The following LAMA1 variants were observed in gnomAD, a reference collection of about 807,000 sequenced individuals.
The protein encoded by LAMA1 is laminin subunit alpha 1, also known as laminin subunit alpha-1.
A neutral mutation model predicts 348.7 loss-of-function variants in LAMA1; 219 were observed. That is an observed-to-expected ratio of 0.63 (90% CI 0.56 to 0.70). The LOEUF (loss-of-function observed/expected upper bound fraction) is 0.70, where lower values mean the gene tolerates loss of function less well. LAMA1 is among the 30% of genes least tolerant of loss of function. The probability of loss-of-function intolerance (pLI) is 0.00; values close to 1 mark genes in which losing one functional copy is unlikely to be tolerated. For synonymous variants in LAMA1, 1,487 were observed against 1,491.0 expected, an observed-to-expected ratio of 1.00 and a Z score of 0.06; for missense variants, 3,744 against 3,888.0, an observed-to-expected ratio of 0.96 and a Z score of 0.99.
At chr18:7,016,935 G>A (rs1049251883) in intron 20 of LAMA1, among the ~76,000 whole-genome samples, 2 of 152,120 alleles carry the variant, frequency 1.3e-5, no homozygotes, top group Non-Finnish European at 2.9e-5. Context: ...GGAGAGAGGT[G>A]ATTTGATCAT....
chr18:7,078,732 G>A (rs975735091), intron 3 of LAMA1, among the ~76,000 whole-genome samples: 1 of 151,784 alleles, frequency 6.6e-6, no homozygotes, highest in African/African-American at 2.4e-5. Flanking sequence ...GCTCACTCCT[G>A]TAATCCCAGC....
At chr18:7,066,377 T>C (rs12957085) in intron 3 of LAMA1, among the ~76,000 whole-genome samples, 48,380 of 152,106 alleles carry the variant, frequency 0.32, 8,859 homozygotes, top group South Asian at 0.48. Flanking sequence ...CAATGTTCCA[T>C]AGTTATTCTT....
At chr18:7,024,324 A>G in intron 18 of LAMA1, 56 bp downstream of exon 18, 1 of 1,347,838 alleles carries the variant, frequency 7.4e-7, no homozygotes, top group Admixed American at 1.8e-5. Context: ...AAAAATAAAC[A>G]CATAGAATTT....
intron 36 of LAMA1, among the ~76,000 whole-genome samples, chr18:6,992,135 T>C (rs186638338): frequency 6.6e-6 from 1 of 152,358 alleles, no homozygotes; most frequent in East Asian, 1.9e-4. Context: ...AATGTAACTA[T>C]ACTTTTTTAT....
rs745511094 is a variant in LAMA1, at chr18:6,961,630, C to G, written c.7582G>C (p.Gly2528Arg). 6.2e-7 allele frequency: 1 copy of G among 1,614,116 alleles called. No individual in the cohort carries two copies. The change falls in exon 53 of 63, where the codon GGC becomes CGC. Residue 2528 changes from glycine to arginine, a missense_variant. Around this residue, in one of 3 missense-constraint regions of LAMA1, gnomAD observed 1,983 missense variants for 1,934.3 expected, o/e 1.03. Coordinates refer to ENST00000389658, the MANE Select transcript of LAMA1 (RefSeq NM_005559.4). ...NSSGIILAAL[G>R]GDVEKRGDRE... ...TCACCCCGCTTCTCCACATCCCCGC[C>G]GAGGGCAGCCAGGATGATGCCACTG...
chr18:7,031,900 A>AAC (rs386386970), intron 16 of LAMA1, among the ~76,000 whole-genome samples, 166 bp downstream of exon 16: 15 of 151,784 alleles, frequency 9.9e-5, no homozygotes, highest in Non-Finnish European at 1.9e-4. Context: ...CAAAAAAAAA[A>AAC]ACGGGAAACA....
chr18:7,006,890 G>T (rs761903567), intron 29 of LAMA1, among the ~76,000 whole-genome samples: 1 of 152,162 alleles, frequency 6.6e-6, no homozygotes, highest in African/African-American at 2.4e-5. Context: ...TTTGGTGCAC[G>T]ACTATAATTC....
At chr18:6,993,556 A>C (rs544151125) in intron 35 of LAMA1, 85 bp downstream of exon 35, 91 of 994,080 alleles carry the variant, frequency 9.2e-5, no homozygotes, top group Non-Finnish European at 1.3e-4. Context: ...CAAGAGATAT[A>C]CATCTATTCA....
chr18:7,112,086 C>G (rs991829976), intron 1 of LAMA1, among the ~76,000 whole-genome samples: 2 of 152,096 alleles, frequency 1.3e-5, no homozygotes, highest in African/African-American at 4.8e-5. Context: ...TTAAAATTCT[C>G]TATGGCTTAA....
chr18:7,005,895 C>G (rs1245756727), intron 29 of LAMA1, among the ~76,000 whole-genome samples: 1 of 152,078 alleles, frequency 6.6e-6, no homozygotes, highest in Non-Finnish European at 1.5e-5. Flanking sequence ...AGAGGGAAAA[C>G]CAGAATCAAA....
chr18:6,987,460 T>C (rs951283164), intron 36 of LAMA1, among the ~76,000 whole-genome samples: 1 of 152,204 alleles, frequency 6.6e-6, no homozygotes, highest in East Asian at 1.9e-4. Context: ...GTACCATGGA[T>C]AAATGCAAGC....
At position 6,999,504 on chromosome 18, in the gene LAMA1, G is replaced by A. The variant is rs144979101; in HGVS notation, c.4604C>T (p.Ser1535Leu). 5.5e-5 allele frequency: 89 copies of A among 1,613,902 alleles called. No homozygotes were observed. The highest frequency in any genetic ancestry group is 3.6e-5 in the Non-Finnish European group (42 of 1,179,992). The change falls in exon 32 of 63, where the codon TCG becomes TTG. Residue 1535 changes from serine (S) to leucine (L), a missense_variant. By Grantham distance (145) the Ser-to-Leu change is moderately radical. Coordinates refer to ENST00000389658, the MANE Select transcript of LAMA1 (RefSeq NM_005559.4). ...SGQCVCRLGA[S>L]GLRCDECEPR... ...TTCACACTCATCGCACCGGAGCCCC[G>A]AGGCCCCCAGCCTGCAAACGCACTG...
intron 10 of LAMA1, among the ~76,000 whole-genome samples, 184 bp downstream of exon 10, chr18:7,039,891 GC>G (rs1460596836): frequency 6.6e-6 from 1 of 152,186 alleles, no homozygotes; most frequent in Non-Finnish European, 1.5e-5. Flanking sequence ...GAAGCCAGAT[GC>G]CCATGTGAGT....
rs1464696859 is a variant in LAMA1, at chr18:7,117,715, G to A, written c.6C>T (p.Arg2=). The change falls in exon 1 of 63, where the codon CGC becomes CGT. Residue 2 remains arginine (R), a synonymous_variant. Transcript: ENST00000389658. ...GCAGCAAGACCAGGAGCACGCCCCC[G>A]CGCATCTCGCCTCCGCCGCCACTCG... M[R]GGVLLVLLLC... 7.5e-6 allele frequency: 12 copies of A among 1,597,632 alleles called. No homozygotes were observed. Among genetic ancestry groups the A allele is most frequent in the Non-Finnish European group, 1.0e-5 (12 of 1,178,232 alleles).
intron 3 of LAMA1, among the ~76,000 whole-genome samples, chr18:7,057,471 CTT>C (rs552843703): frequency 3.2e-4 from 29 of 90,810 alleles, no homozygotes; most frequent in African/African-American, 8.9e-4. Context: ...CTTTTCTTTT[CTT>C]TTTTTTTTTT....
chr18:6,962,935 A>G (rs921967690), intron 51 of LAMA1, among the ~76,000 whole-genome samples: 6 of 152,182 alleles, frequency 3.9e-5, no homozygotes, highest in Non-Finnish European at 8.8e-5. Context: ...AGGTCAGGCT[A>G]TAATGTAGTC....
At chr18:7,109,642 G>T (rs931557188) in intron 1 of LAMA1, among the ~76,000 whole-genome samples, 2 of 152,144 alleles carry the variant, frequency 1.3e-5, no homozygotes, top group Non-Finnish European at 1.5e-5. Context: ...TCACACAGCT[G>T]CAAGTCAATA....
chr18:7,078,425 CA>C (rs1228552347), intron 3 of LAMA1, among the ~76,000 whole-genome samples: 1 of 151,854 alleles, frequency 6.6e-6, no homozygotes, highest in Non-Finnish European at 1.5e-5. Flanking sequence ...CTTGGCCTCC[CA>C]AAGTGCCGGG....
intron 12 of LAMA1, 74 bp downstream of exon 12, chr18:7,037,504 G>A: frequency 6.4e-7 from 1 of 1,554,182 alleles, no homozygotes; most frequent in Non-Finnish European, 8.9e-7. Flanking sequence ...CTAAAATGCA[G>A]GCAGCGCAAG....
Sources: allele counts gnomAD v4.1 joint callset (sites outside exome capture counted in the v4.1 genomes callset), GRCh38; gene constraint gnomAD v4.1.1; regional missense constraint gnomAD v4.1.1; transcripts MANE v1.5; gene names NCBI Gene and HGNC (gene_info 2026-07-23, HGNC 2026-07-21).